REEP1: variants seen among roughly 807,000 people sequenced by gnomAD.
REEP1 encodes receptor expression-enhancing protein 1.
A neutral mutation model predicts 40.3 loss-of-function variants in REEP1; 22 were observed. The observed-to-expected ratio is 0.55, with a 90% confidence interval of 0.39 to 0.78. The LOEUF (loss-of-function observed/expected upper bound fraction) is 0.78. Among genes scored for constraint, REEP1 ranks in the 30% least tolerant of loss-of-function variants. The pLI is 0.00. For synonymous variants in REEP1, 116 were observed against 139.2 expected, an observed-to-expected ratio of 0.83 and a Z score of 1.17; for missense variants, 280 against 361.1, an observed-to-expected ratio of 0.78 and a Z score of 1.82.
At chr2:86,222,437 T>C (rs1457842690) in intron 7 of REEP1, among the ~76,000 whole-genome samples, 1 of 152,240 alleles carries the variant, frequency 6.6e-6, no homozygotes, top group Non-Finnish European at 1.5e-5. Flanking sequence ...AGACATCTCC[T>C]AGTCACTGTG....
chr2:86,314,720 G>A (rs1679916189), intron 1 of REEP1, among the ~76,000 whole-genome samples: 1 of 149,976 alleles, frequency 6.7e-6, no homozygotes, highest in South Asian at 2.1e-4. Context: ...GCCCAGGCCG[G>A]AGTGCAGTGG....
intron 1 of REEP1, among the ~76,000 whole-genome samples, chr2:86,329,244 C>T (rs932898157): frequency 6.6e-5 from 10 of 151,906 alleles, no homozygotes; most frequent in African/African-American, 7.3e-5. Flanking sequence ...ATACAGGATG[C>T]GGGGTGTGGC....
chr2:86,226,657 A>G, intron 7 of REEP1, among the ~76,000 whole-genome samples: 1 of 145,444 alleles, frequency 6.9e-6, no homozygotes, highest in Non-Finnish European at 1.5e-5. Context: ...AATTGTAGAG[A>G]TTAATTCTTG....
At chr2:86,318,523 G>C (rs566568213) in intron 1 of REEP1, among the ~76,000 whole-genome samples, 1 of 150,738 alleles carries the variant, frequency 6.6e-6, no homozygotes, top group African/African-American at 2.4e-5. Flanking sequence ...TCAGCCTCCC[G>C]AGTAGCTGGG....
chr2:86,218,395 C>T (rs771815580), intron 8 of REEP1, among the ~76,000 whole-genome samples: 3 of 152,186 alleles, frequency 2.0e-5, no homozygotes, highest in Non-Finnish European at 2.9e-5. Flanking sequence ...TGGGCAGGCA[C>T]ATACAAGGCA....
chr2:86,214,067 C>T lies in REEP1; in HGVS notation c.*2972G>A. ...TTATAACAAAACAGCAGAACTTCAA[C>T]CTTTGGAATACTGTAATTTTACATC... On this transcript the variant is annotated 3_prime_UTR_variant, in exon 9 of 9. Transcript: ENST00000538924. The T allele has an allele frequency of 5.2e-6, 1 of 190,578 alleles. No homozygotes were observed. Among genetic ancestry groups the T allele is most frequent in the Admixed American group, 5.7e-5 (1 of 17,432 alleles). 11.8% of individuals were successfully genotyped at this position (190,578 alleles called of 1,614,324 possible).
Position 86,215,686 on chromosome 2 carries a change from A to G in REEP1, c.*1353T>C, listed in dbSNP as rs746090992. The G allele has an allele frequency of 5.9e-5, 9 of 152,614 alleles. No individual in the cohort carries two copies. Among genetic ancestry groups the G allele is most frequent in the Non-Finnish European group, 1.2e-4 (8 of 68,044 alleles). The allele number at this position is 152,614 out of a possible 1,614,324, so 9.5% of individuals were successfully genotyped here. ...TACCTCGGACCACAATGCCATTTAA[A>G]CCAGATTCTTTTCAAATAAAATTCT... On this transcript the variant is annotated 3_prime_UTR_variant, in exon 9 of 9. Transcript: ENST00000538924.
intron 8 of REEP1, among the ~76,000 whole-genome samples, chr2:86,217,871 CAA>C (rs1302666816): frequency 3.9e-5 from 6 of 151,992 alleles, no homozygotes; most frequent in South Asian, 2.1e-4. Flanking sequence ...AAATGACTCT[CAA>C]GAGACCCCTC....
At chr2:86,257,255 A>G (rs373766223) in intron 3 of REEP1, among the ~76,000 whole-genome samples, 1 of 152,208 alleles carries the variant, frequency 6.6e-6, no homozygotes, top group South Asian at 2.1e-4. Flanking sequence ...CACAAGACAC[A>G]TAAATAATCT....
intron 1 of REEP1, among the ~76,000 whole-genome samples, chr2:86,300,076 T>C (rs1679186294): frequency 1.3e-5 from 2 of 152,196 alleles, no homozygotes. Flanking sequence ...GGATCTGCTT[T>C]AGAATGCTGT....
At chr2:86,239,172 T>C (rs1443995971) in intron 5 of REEP1, among the ~76,000 whole-genome samples, 1 of 121,734 alleles carries the variant, frequency 8.2e-6, no homozygotes, top group African/African-American at 3.3e-5. Context: ...TTTGTGAATA[T>C]ACAGTGTGCA....
intron 2 of REEP1, among the ~76,000 whole-genome samples, chr2:86,272,808 T>C (rs1406279996): frequency 6.6e-6 from 1 of 152,116 alleles, no homozygotes; most frequent in Non-Finnish European, 1.5e-5. Context: ...TCACAATCCA[T>C]CCTCCAAATT....
chr2:86,280,772 G>C (rs1462089229), intron 2 of REEP1, among the ~76,000 whole-genome samples: 5 of 152,214 alleles, frequency 3.3e-5, no homozygotes, highest in East Asian at 1.9e-4. Context: ...TTCTGGGAAA[G>C]TGGGAGATTG....
chr2:86,275,316 G>C (rs1169600481), intron 2 of REEP1, among the ~76,000 whole-genome samples: 2 of 151,976 alleles, frequency 1.3e-5, no homozygotes, highest in Non-Finnish European at 2.9e-5. Flanking sequence ...TAATGTTCAC[G>C]CACTGTCACC....
chr2:86,299,546 G>A (rs1573008463), intron 1 of REEP1, among the ~76,000 whole-genome samples: 1 of 152,108 alleles, frequency 6.6e-6, no homozygotes, highest in East Asian at 1.9e-4. Context: ...TACACACTTG[G>A]TAATGTTCTA....
At chr2:86,335,410 T>A (rs1173898867) in intron 1 of REEP1, among the ~76,000 whole-genome samples, 1 of 152,130 alleles carries the variant, frequency 6.6e-6, no homozygotes, top group Non-Finnish European at 1.5e-5. Flanking sequence ...CCATCAACTC[T>A]CCTTGGGCCA....
At chr2:86,333,601 G>T (rs1680871525) in intron 1 of REEP1, among the ~76,000 whole-genome samples, 2 of 152,130 alleles carry the variant, frequency 1.3e-5, no homozygotes, top group South Asian at 4.1e-4. Flanking sequence ...TCTGGGCCTT[G>T]GCCAAGACAA....
chr2:86,300,360 C>T (rs1047229001), intron 1 of REEP1, among the ~76,000 whole-genome samples: 1 of 152,164 alleles, frequency 6.6e-6, no homozygotes, highest in Non-Finnish European at 1.5e-5. Flanking sequence ...TCATACCACA[C>T]AACGCTTCCA....
intron 8 of REEP1, 94 bp downstream of exon 8, chr2:86,219,876 G>T: frequency 1.0e-6 from 1 of 995,530 alleles, no homozygotes; most frequent in Non-Finnish European, 1.3e-6. Context: ...GGAGATGTTG[G>T]TGCCCCAAGA....
Sources: allele counts gnomAD v4.1 joint callset (sites outside exome capture counted in the v4.1 genomes callset), GRCh38; gene constraint gnomAD v4.1.1; transcripts MANE v1.5; gene names NCBI Gene and HGNC (gene_info 2026-07-23, HGNC 2026-07-21).